Variants in STIM1 observed in about 807,000 individuals in gnomAD.
The protein encoded by STIM1 is stromal interaction molecule 1.
In STIM1, 25 loss-of-function variants were observed where a neutral mutation model predicts 74.7. The ratio of observed to expected loss-of-function variants is 0.33; its 90% confidence interval spans 0.24 to 0.47. STIM1 has a LOEUF of 0.47. STIM1 is among the 20% of genes least tolerant of loss of function. The probability of loss-of-function intolerance (pLI) is 1.00; values close to 1 mark genes in which losing one functional copy is unlikely to be tolerated. For missense variants in STIM1, 728 were observed against 920.8 expected (o/e 0.79, Z 2.71); for synonymous variants, 328 against 348.8 (o/e 0.94, Z 0.66).
In STIM1 at chr11:3,961,098, A is replaced by G. The variant is rs538251647; in HGVS notation, c.140-6454A>G. Among the ~76,000 whole-genome samples, 354 of 151,844 alleles carry G rather than the reference A, an allele frequency of 2.3e-3. 11 individuals are homozygous for G. Among genetic ancestry groups the G allele is most frequent in the Admixed American group, 0.023 (353 of 15,232 alleles). ...GCTCATTGCAGCTTCAACATCCTGC[A>G]CTCAAGTGATCCTCCTACTTCAGCC... is the stretch of plus-strand genomic sequence containing the variant. On this transcript the variant is annotated intron_variant, in intron 1 of 12. Transcript: ENST00000526596.
chr11:4,073,112 G>C (rs921531059), intron 6 of STIM1, among the ~76,000 whole-genome samples: 18 of 125,992 alleles, frequency 1.4e-4, no homozygotes, highest in African/African-American at 4.9e-4. Context: ...AATTATCTCA[G>C]TGGTCAGTGT....
intron 2 of STIM1, among the ~76,000 whole-genome samples, chr11:3,975,748 A>T (rs1443059254): frequency 6.6e-6 from 1 of 152,238 alleles, no homozygotes; most frequent in Non-Finnish European, 1.5e-5. Context: ...ATGAAAAGAT[A>T]CTCAATATTA....
At chr11:4,063,272 G>T (rs906109716) in intron 5 of STIM1, among the ~76,000 whole-genome samples, 8 of 152,268 alleles carry the variant, frequency 5.3e-5, no homozygotes, top group Non-Finnish European at 1.0e-4. Context: ...GAATTTTAGG[G>T]TCTGTGAATT....
chr11:3,863,220 ATGTGTGTGTGTGTGTGTGTGTGTG>A (rs56737126), intron 1 of STIM1, among the ~76,000 whole-genome samples: 5 of 125,804 alleles, frequency 4.0e-5, no homozygotes, highest in Non-Finnish European at 6.7e-5. Context: ...GAGACAATGC[ATGTGTGTGTGTGTGTGTGTGTGTG>A]TGTGTGTGTG....
chr11:4,002,544 A>G (rs1397419707), intron 2 of STIM1, among the ~76,000 whole-genome samples: 1 of 149,426 alleles, frequency 6.7e-6, no homozygotes, highest in Non-Finnish European at 1.5e-5. Context: ...ACCAACGAGA[A>G]CAAAGACACA....
chr11:3,961,914 T>A (rs1266755468), intron 1 of STIM1, among the ~76,000 whole-genome samples: 1 of 152,230 alleles, frequency 6.6e-6, no homozygotes, highest in Non-Finnish European at 1.5e-5. Flanking sequence ...TATCATGACC[T>A]AACATTTAGT....
At chr11:3,937,368 T>C (rs1158889962) in intron 1 of STIM1, among the ~76,000 whole-genome samples, 1 of 151,950 alleles carries the variant, frequency 6.6e-6, no homozygotes, top group African/African-American at 2.4e-5. Context: ...TATGTTTCCC[T>C]TGGGGCTGTT....
At chr11:3,893,000 G>T in intron 1 of STIM1, 1 of 662,076 alleles carries the variant, frequency 1.5e-6, no homozygotes, top group Non-Finnish European at 2.6e-6. Flanking sequence ...GAACTCCTGA[G>T]CTCAAGCAAT....
chr11:3,907,166 T>A (rs2092478973), intron 1 of STIM1, among the ~76,000 whole-genome samples: 1 of 152,170 alleles, frequency 6.6e-6, no homozygotes, highest in Admixed American at 6.6e-5. Context: ...AAAAGGGGTT[T>A]ATAAGCTTGG....
chr11:3,934,619 A>G (rs940054546), intron 1 of STIM1, among the ~76,000 whole-genome samples: 2 of 152,246 alleles, frequency 1.3e-5, no homozygotes, highest in Non-Finnish European at 2.9e-5. Context: ...GTAGAATTGA[A>G]CAATTCAATT....
At chr11:3,881,040 CAG>C (rs1189081175) in intron 1 of STIM1, among the ~76,000 whole-genome samples, 3 of 145,706 alleles carry the variant, frequency 2.1e-5, no homozygotes, top group East Asian at 4.0e-4. Context: ...GATGGGAAAA[CAG>C]TGACTTTTGA....
chr11:3,983,718 A>G (rs1252052772), intron 2 of STIM1, among the ~76,000 whole-genome samples: 3 of 152,172 alleles, frequency 2.0e-5, no homozygotes, highest in Non-Finnish European at 2.9e-5. Context: ...CAGAGGCCAT[A>G]CCGGCACCTG....
intron 2 of STIM1, among the ~76,000 whole-genome samples, chr11:3,982,487 T>G (rs886322620): frequency 6.6e-6 from 1 of 152,244 alleles, no homozygotes; most frequent in African/African-American, 2.4e-5. Context: ...TCTACTTCTT[T>G]AACTCGTACT....
chr11:3,927,370 A>G (rs2135546704), intron 1 of STIM1, among the ~76,000 whole-genome samples: 1 of 152,262 alleles, frequency 6.6e-6, no homozygotes, highest in South Asian at 2.1e-4. Context: ...CCTAATCACG[A>G]AGGTTATATT....
At chr11:4,066,802 T>G (rs544087996) in intron 5 of STIM1, among the ~76,000 whole-genome samples, 3 of 152,308 alleles carry the variant, frequency 2.0e-5, no homozygotes, top group Admixed American at 1.3e-4. Flanking sequence ...ATGGAAGGCT[T>G]TGTGGGCAAT....
chr11:3,949,195 A>G (rs774110081), intron 1 of STIM1, among the ~76,000 whole-genome samples: 1 of 152,204 alleles, frequency 6.6e-6, no homozygotes, highest in African/African-American at 2.4e-5. Flanking sequence ...GAAGGCTCCT[A>G]GAGAAATTAG....
At chr11:3,876,937 G>C (rs1401069863) in intron 1 of STIM1, among the ~76,000 whole-genome samples, 1 of 152,156 alleles carries the variant, frequency 6.6e-6, no homozygotes, top group Non-Finnish European at 1.5e-5. Flanking sequence ...TTTGGAATCA[G>C]ACAGACCAGG....
intron 6 of STIM1, among the ~76,000 whole-genome samples, chr11:4,071,841 G>C (rs1307605647): frequency 2.0e-5 from 3 of 152,186 alleles, no homozygotes; most frequent in Admixed American, 6.5e-5. Context: ...TCAGTAAGTA[G>C]TGAACTAGGA....
intron 12 of STIM1, among the ~76,000 whole-genome samples, chr11:4,089,426 C>A (rs1357580532): frequency 6.6e-6 from 1 of 152,100 alleles, no homozygotes. Context: ...GCACCTTGCT[C>A]ATTGGTTTAT....
Sources: gnomAD v4.1 joint callset for allele counts (sites outside exome capture counted in the v4.1 genomes callset) on GRCh38, gnomAD v4.1.1 for gene constraint, MANE v1.5 for transcripts, NCBI Gene and HGNC (gene_info 2026-07-23, HGNC 2026-07-21) for gene names.